ATRN: variants seen among roughly 807,000 people sequenced by gnomAD.
ATRN encodes the protein attractin-2.
A neutral mutation model predicts 178.7 loss-of-function variants in ATRN; 54 were observed. That is an observed-to-expected ratio of 0.30 (90% CI 0.24 to 0.38). The LOEUF (loss-of-function observed/expected upper bound fraction) is 0.38, where lower values mean the gene tolerates loss of function less well. ATRN is among the 10% of genes least tolerant of loss of function. The pLI, the probability that ATRN is intolerant of heterozygous loss-of-function variation, is 1.00. For synonymous variants in ATRN, 636 were observed against 663.0 expected (o/e 0.96, Z 0.63); for missense variants, 1,443 against 1,815.1 (o/e 0.79, Z 3.73).
chr20:3,562,610 A>G lies in ATRN; in HGVS notation c.1631+151A>G, dbSNP rs569561107. ...AGAAATTGGGAAATAAACAGAGGGT[A>G]ATAAAGTAGCTAGTATTTATTTTGT... is the stretch of plus-strand genomic sequence containing the variant. On this transcript the variant is annotated intron_variant, in intron 9 of 28. Transcript: ENST00000262919. 1.0e-4 allele frequency: 70 copies of G among 692,208 alleles called. No homozygotes were observed. The South Asian group carries it at 1.7e-3, about 17-fold the overall frequency. The allele number at this position is 692,208 out of a possible 1,614,324, so 42.9% of individuals were successfully genotyped here.
chr20:3,509,334 A>G (rs1176697195), intron 1 of ATRN, among the ~76,000 whole-genome samples: 1 of 152,212 alleles, frequency 6.6e-6, no homozygotes, highest in African/African-American at 2.4e-5. Flanking sequence ...TTATGTCTAT[A>G]TCTGACAAAA....
intron 11 of ATRN, among the ~76,000 whole-genome samples, chr20:3,565,973 G>C (rs1568733642): frequency 6.6e-6 from 1 of 152,094 alleles, no homozygotes; most frequent in Non-Finnish European, 1.5e-5. Context: ...CATGTTTATT[G>C]ATCTGGTTTT....
rs16988743 is a variant in ATRN, at chr20:3,612,683, T to C, written c.3801+8421T>C. 8.7e-3 allele frequency among the ~76,000 whole-genome samples: 1,323 copies of C among 152,352 alleles called. 17 individuals carry two copies. Among genetic ancestry groups the C allele is most frequent in the African/African-American group, 0.03 (1,230 of 41,578 alleles). On this transcript the variant is annotated intron_variant, in intron 24 of 28. Coordinates refer to ENST00000262919, the MANE Select transcript of ATRN (RefSeq NM_139321.3). Reference sequence around the variant, plus strand: ...ATATATTTGTTAGGTTATTTTCATGTAAACACTTGATTAGGGTTCTAGTAA... The same window carrying C: ...ATATATTTGTTAGGTTATTTTCATGCAAACACTTGATTAGGGTTCTAGTAA...
intron 1 of ATRN, among the ~76,000 whole-genome samples, chr20:3,517,315 T>C (rs980453054): frequency 2.0e-5 from 3 of 152,052 alleles, no homozygotes; most frequent in South Asian, 2.1e-4. Flanking sequence ...AAAAAAAATC[T>C]ATTTATCCAT....
chr20:3,514,455 A>G (rs886881489), intron 1 of ATRN, among the ~76,000 whole-genome samples: 1 of 152,226 alleles, frequency 6.6e-6, no homozygotes, highest in Non-Finnish European at 1.5e-5. Context: ...GAAAAAATGT[A>G]AACAGAATAT....
chr20:3,594,340 T>TA (rs1459303122), intron 19 of ATRN, 139 bp from the exon 20 acceptor site: 2 of 556,152 alleles, frequency 3.6e-6, no homozygotes, highest in Non-Finnish European at 6.4e-6. Flanking sequence ...TCATGAATCT[T>TA]ACCCATTGAA....
At chr20:3,481,748 G>A (rs371530187) in intron 1 of ATRN, among the ~76,000 whole-genome samples, 1 of 115,142 alleles carries the variant, frequency 8.7e-6, no homozygotes, top group East Asian at 2.6e-4. Flanking sequence ...AGAATTTTCT[G>A]TTTTTCACTT....
Position 3,634,302 on chromosome 20 carries a change from T to G in ATRN, c.3864-9T>G. 1 of 1,611,556 alleles carries G rather than the reference T, an allele frequency of 6.2e-7. No individual in the cohort carries two copies. The highest frequency in any genetic ancestry group is 8.5e-7 in the Non-Finnish European group (1 of 1,178,064). ...TGGGATAATAACTCAGTACTTTCCT[T>G]TCTCACAGTTGTTTCCTCTCTTTGC... On this transcript the variant is annotated splice_polypyrimidine_tract_variant and intron_variant, in intron 25 of 28. Coordinates refer to ENST00000262919, the MANE Select transcript of ATRN (RefSeq NM_139321.3).
At chr20:3,474,286 T>TG (rs2146052897) in intron 1 of ATRN, among the ~76,000 whole-genome samples, 1 of 152,350 alleles carries the variant, frequency 6.6e-6, no homozygotes, top group South Asian at 2.1e-4. Context: ...TTCTAGGTGA[T>TG]GTCAGTGCTG....
chr20:3,501,762 G>T (rs2084968143), intron 1 of ATRN, among the ~76,000 whole-genome samples: 1 of 152,136 alleles, frequency 6.6e-6, no homozygotes, highest in South Asian at 2.1e-4. Context: ...GAGATGTGCG[G>T]CTAAGAGATT....
chr20:3,503,299 CA>C (rs1236992439), intron 1 of ATRN, among the ~76,000 whole-genome samples: 13 of 152,070 alleles, frequency 8.5e-5, no homozygotes, highest in Admixed American at 8.5e-4. Context: ...ACATAATAGA[CA>C]AAATGTTCAT....
intron 1 of ATRN, among the ~76,000 whole-genome samples, chr20:3,520,315 A>C (rs1018119091): frequency 2.0e-5 from 3 of 152,072 alleles, no homozygotes; most frequent in Non-Finnish European, 4.4e-5. Flanking sequence ...GGGAATAGGA[A>C]AGGAGTGGGT....
At chr20:3,585,213 C>A (rs2086341274) in intron 18 of ATRN, among the ~76,000 whole-genome samples, 3 of 152,170 alleles carry the variant, frequency 2.0e-5, no homozygotes. Context: ...CAGTCAAGAA[C>A]TTCTCTAAGA....
chr20:3,639,099 CTT>C (rs1401100405), intron 27 of ATRN, among the ~76,000 whole-genome samples, 164 bp downstream of exon 27: 1 of 152,036 alleles, frequency 6.6e-6, no homozygotes, highest in Non-Finnish European at 1.5e-5. Context: ...TACTCTTTTG[CTT>C]TTGTTTTTCA....
chr20:3,533,175 A>G (rs1350564772), intron 1 of ATRN, among the ~76,000 whole-genome samples: 1 of 152,244 alleles, frequency 6.6e-6, no homozygotes, highest in Non-Finnish European at 1.5e-5. Context: ...TGCTGCTGGC[A>G]GCAAGTCCTT....
At chr20:3,607,400 T>C (rs2086690127) in intron 24 of ATRN, among the ~76,000 whole-genome samples, 1 of 152,230 alleles carries the variant, frequency 6.6e-6, no homozygotes, top group Non-Finnish European at 1.5e-5. Flanking sequence ...CCCCAGCAGC[T>C]GGTAACCACC....
chr20:3,619,643 A>G (rs2086881185), intron 24 of ATRN, among the ~76,000 whole-genome samples: 1 of 152,210 alleles, frequency 6.6e-6, no homozygotes, highest in Non-Finnish European at 1.5e-5. Flanking sequence ...AAGAAATGCC[A>G]TGCTTCCATA....
chr20:3,498,557 T>C (rs1337472732), intron 1 of ATRN, among the ~76,000 whole-genome samples: 1 of 151,926 alleles, frequency 6.6e-6, no homozygotes, highest in Non-Finnish European at 1.5e-5. Flanking sequence ...TAATCCAGCA[T>C]ATAAACAGAA....
At chr20:3,504,513 TA>T (rs34116812) in intron 1 of ATRN, among the ~76,000 whole-genome samples, 67,826 of 115,662 alleles carry the variant, frequency 0.59, 20,399 homozygotes, top group East Asian at 0.73. Context: ...TCGTCTCTAC[TA>T]AAAAAAAAAA....
Sources: allele counts gnomAD v4.1 joint callset (sites outside exome capture counted in the v4.1 genomes callset), GRCh38; gene constraint gnomAD v4.1.1; transcripts MANE v1.5; gene names NCBI Gene and HGNC (gene_info 2026-07-23, HGNC 2026-07-21).